The following PLIN1 variants were observed in gnomAD, a reference collection of about 807,000 sequenced individuals.
PLIN1 encodes the protein perilipin 1, also known as perilipin-1.
A neutral mutation model predicts 45.8 loss-of-function variants in PLIN1; 37 were observed. The ratio of observed to expected loss-of-function variants is 0.81; its 90% confidence interval spans 0.62 to 1.06. The LOEUF (loss-of-function observed/expected upper bound fraction) is 1.06, where lower values mean the gene tolerates loss of function less well. Ranked by LOEUF, PLIN1 falls within the 50% of genes least tolerant of loss-of-function variation. The probability of loss-of-function intolerance (pLI) is 0.00; values close to 1 mark genes in which losing one functional copy is unlikely to be tolerated. For synonymous variants in PLIN1, 340 were observed against 309.2 expected, an observed-to-expected ratio of 1.10 and a Z score of -1.05; for missense variants, 776 against 716.5, an observed-to-expected ratio of 1.08 and a Z score of -0.95.
At chr15:89,676,242 T>TG (rs1261672186) in intron 2 of PLIN1, among the ~76,000 whole-genome samples, 3 of 151,842 alleles carry the variant, frequency 2.0e-5, no homozygotes, top group African/African-American at 7.3e-5. Flanking sequence ...TTAGTTTTTT[T>TG]TTGTTGTTTG....
intron 2 of PLIN1, among the ~76,000 whole-genome samples, chr15:89,674,879 C>T (rs1026025668): frequency 6.6e-6 from 1 of 152,004 alleles, no homozygotes; most frequent in Admixed American, 6.5e-5. Flanking sequence ...ATACTACCCT[C>T]GCTTGAGCCC....
Position 89,670,088 on chromosome 15 carries a change from C to G in PLIN1, c.490G>C (p.Ala164Pro), listed in dbSNP as rs1315830355. ...AGTCGGCCAGCTCGAGTGTTGGCAG[C>G]AAATTCCGCAGTGTCTCTGGCCACC... Reference protein sequence around the residue: ...WGVARDTAEFAANTRAGRLAS... With the variant: ...WGVARDTAEFPANTRAGRLAS... The change falls in exon 5 of 9, where the codon GCT (alanine) becomes CCT (proline). Residue 164 changes from alanine (A) to proline (P), a missense_variant. Physicochemically the swap from Ala to Pro is conservative, Grantham distance 27. Transcript: ENST00000300055. 2 of 1,614,196 alleles carry G rather than the reference C, an allele frequency of 1.2e-6. No individual in the cohort carries two copies. The highest frequency in any genetic ancestry group is 1.7e-6 in the Non-Finnish European group (2 of 1,180,030).
intron 5 of PLIN1, 148 bp from the exon 6 acceptor site, chr15:89,669,820 A>T: frequency 3.9e-6 from 1 of 258,072 alleles, no homozygotes; most frequent in Non-Finnish European, 6.5e-6. Context: ...CTCTTTACAG[A>T]TGGGGTGGGG....
intron 6 of PLIN1, 68 bp from the exon 7 acceptor site, chr15:89,667,861 C>A (rs1269102321): frequency 1.3e-6 from 2 of 1,534,378 alleles, no homozygotes; most frequent in Admixed American, 3.9e-5. Flanking sequence ...CCCCAGCAGC[C>A]CAAGCCCCTC....
chr15:89,667,706 G>A lies in PLIN1; in HGVS notation c.859C>T (p.Leu287Phe). Residue 287 changes from leucine (L) to phenylalanine (F), a missense_variant, in exon 7 of 9, where the codon CTC (leucine) becomes TTC (phenylalanine). Transcript: ENST00000300055. ...SEVRVPWLHS[L>F]AAAQEEDHED... The stretch of plus-strand genomic sequence containing the variant: ...TGATCCTCCTCCTGGGCGGCTGCGA[G>A]GCTGTGCAGCCAGGGTACCCGCACT... The A allele has an allele frequency of 6.3e-7, 1 of 1,585,802 alleles. No individual in the cohort carries two copies. The highest frequency in any genetic ancestry group is 8.6e-7 in the Non-Finnish European group (1 of 1,166,078).
In PLIN1 at chr15:89,665,228, C is replaced by A. The variant is rs556878495; in HGVS notation, c.*355G>T. Reference sequence around the variant, plus strand: ...CGTGGCAAATATTTATCCGCAGAGGCAGAATCTGAATTTTGGAAACGGTCA... The same window carrying A: ...CGTGGCAAATATTTATCCGCAGAGGAAGAATCTGAATTTTGGAAACGGTCA... On this transcript the variant is annotated 3_prime_UTR_variant, in exon 9 of 9. Transcript: ENST00000300055. 1.9e-4 allele frequency: 44 copies of A among 234,344 alleles called. No homozygotes were observed. The highest frequency in any genetic ancestry group is 5.2e-4 in the South Asian group (9 of 17,388). 14.5% of individuals were successfully genotyped at this position (234,344 alleles called of 1,614,324 possible). A position where few individuals can be genotyped will look rare whatever the true frequency, so the allele number is the denominator to read the frequency against.
At position 89,669,677 on chromosome 15, in the gene PLIN1, G is replaced by A. The variant is rs1964406622; in HGVS notation, c.599-5C>T. 6 of 1,613,708 alleles carry A rather than the reference G, an allele frequency of 3.7e-6. No individual in the cohort carries two copies. The highest frequency in any genetic ancestry group is 5.1e-6 in the Non-Finnish European group (6 of 1,179,828). On this transcript the variant is annotated splice_region_variant and splice_polypyrimidine_tract_variant and intron_variant, in intron 5 of 8. Coordinates refer to ENST00000300055, the MANE Select transcript of PLIN1 (RefSeq NM_002666.5). ...GCTGGTGTCCAGGAGCAGGGGCTGG[G>A]TAGGGATTTGGGGGGAAAGAAGAGA... is the stretch of plus-strand genomic sequence containing the variant.
intron 3 of PLIN1, 76 bp downstream of exon 3, chr15:89,673,134 G>A (rs1964463109): frequency 8.9e-7 from 1 of 1,121,082 alleles, no homozygotes; most frequent in Non-Finnish European, 1.3e-6. Flanking sequence ...CAGTCAGACA[G>A]ACTGAGAGGC....
chr15:89,670,815 C>A (rs1232220141), intron 4 of PLIN1, among the ~76,000 whole-genome samples: 1 of 152,098 alleles, frequency 6.6e-6, no homozygotes, highest in African/African-American at 2.4e-5. Context: ...GGTTTCCTCT[C>A]TGTAAAATGG....
At chr15:89,666,048 G>A (rs1311835329) in intron 8 of PLIN1, 106 bp from the exon 9 acceptor site, 3 of 866,628 alleles carry the variant, frequency 3.5e-6, no homozygotes, top group South Asian at 2.3e-5. Flanking sequence ...GGGAGCGGCC[G>A]TCAGGAGGAC....
chr15:89,666,858 C>T, intron 8 of PLIN1, 78 bp downstream of exon 8: 1 of 1,516,284 alleles, frequency 6.6e-7, no homozygotes, highest in Non-Finnish European at 9.1e-7. Flanking sequence ...GGACTGCAGC[C>T]CCTTCAGTCA....
chr15:89,665,980 C>A (rs1301418902), intron 8 of PLIN1, 38 bp from the exon 9 acceptor site: 1 of 1,407,642 alleles, frequency 7.1e-7, no homozygotes, highest in East Asian at 3.0e-5. Context: ...CCTGGCTTGG[C>A]CCTGGGCCCT....
chr15:89,677,338 T>C (rs1964534459), intron 2 of PLIN1, 107 bp downstream of exon 2: 2 of 926,488 alleles, frequency 2.2e-6, no homozygotes, highest in Non-Finnish European at 3.6e-6. Context: ...GAACTAGGAT[T>C]ATAATCTGGG....
At chr15:89,679,021 CT>C (rs572099918) in intron 1 of PLIN1, among the ~76,000 whole-genome samples, 5 of 151,868 alleles carry the variant, frequency 3.3e-5, no homozygotes, top group East Asian at 1.9e-4. Flanking sequence ...AATTTTTTCT[CT>C]TTTTTTATAG....
rs547275627 is a variant in PLIN1, at chr15:89,676,469, G to A, written c.45+976C>T. ...TCACTGTGTTAGCCAGGATGGTCTT[G>A]ATCTCCTGACCTTGTGAACCGCCCG... On this transcript the variant is annotated intron_variant, in intron 2 of 8. Transcript: ENST00000300055. Among the ~76,000 whole-genome samples the A allele has an allele frequency of 5.9e-5, 9 of 152,228 alleles. No individual in the cohort carries two copies. In the South Asian group the frequency reaches 1.0e-3, roughly 18 times the overall value.
intron 5 of PLIN1, 59 bp downstream of exon 5, chr15:89,669,921 A>T: frequency 1.3e-6 from 2 of 1,560,276 alleles, no homozygotes; most frequent in East Asian, 4.6e-5. Context: ...CCTCCTGCTG[A>T]TTCCCAGGCA....
chr15:89,665,871 C>T lies in PLIN1; in HGVS notation c.1281G>A (p.Glu427=). ...ACGCTCTGCGCTCCGCCTCCCGGCGCTCGACCTCGGCTGGTGGGTTGTCGA... is the reference window on the plus strand; with the variant it reads ...ACGCTCTGCGCTCCGCCTCCCGGCGTTCGACCTCGGCTGGTGGGTTGTCGA... ...RDIDNPPAEV[E]RREAERRASG... Residue 427 remains glutamate (E), a synonymous_variant, in exon 9 of 9, where the codon GAG becomes GAA. Transcript: ENST00000300055. 6.6e-7 allele frequency: 1 copy of T among 1,509,700 alleles called. No homozygotes were observed. The highest frequency in any genetic ancestry group is 8.8e-7 in the Non-Finnish European group (1 of 1,135,992). 93.5% of individuals were successfully genotyped at this position (1,509,700 alleles called of 1,614,324 possible). A position where few individuals can be genotyped will look rare whatever the true frequency, so the allele number is the denominator to read the frequency against.
In PLIN1 at chr15:89,677,823, T is replaced by G. The variant is rs867948296; in HGVS notation, c.-14-320A>C. ...TGGAGTGTAGTTGCACAATCTCGGC[T>G]CACTACAACCTCCGCCTCCCGGGTT... is the stretch of plus-strand genomic sequence containing the variant. On this transcript the variant is annotated intron_variant, in intron 1 of 8. Transcript: ENST00000300055. The G allele has an allele frequency of 6.1e-5, 17 of 278,200 alleles. No homozygotes were observed. The South Asian group carries it at 1.0e-3, about 17-fold the overall frequency. The allele number at this position is 278,200 out of a possible 1,614,324, so 17.2% of individuals were successfully genotyped here.
rs78757852 is a variant in PLIN1, at chr15:89,664,605, T to C, written c.*978A>G. On this transcript the variant is annotated 3_prime_UTR_variant, in exon 9 of 9. Coordinates refer to ENST00000300055, the MANE Select transcript of PLIN1 (RefSeq NM_002666.5). The stretch of plus-strand genomic sequence containing the variant: ...CAGGCATGCGTAACACCCCACAGCT[T>C]GTGTAAACACAAGCGGGGAGTGCAT... The C allele has an allele frequency of 9.0e-3, 2,672 of 296,282 alleles. 77 individuals are homozygous for C. Among genetic ancestry groups the C allele is most frequent in the African/African-American group, 0.055 (2,500 of 45,338 alleles). The allele number at this position is 296,282 out of a possible 1,614,324, so 18.4% of individuals were successfully genotyped here. A position where few individuals can be genotyped will look rare whatever the true frequency, so the allele number is the denominator to read the frequency against.
Sources: allele counts gnomAD v4.1 joint callset (sites outside exome capture counted in the v4.1 genomes callset), GRCh38; gene constraint gnomAD v4.1.1; transcripts MANE v1.5; gene names NCBI Gene and HGNC (gene_info 2026-07-23, HGNC 2026-07-21).